The following CNTN3 variants were observed in gnomAD, a reference collection of about 807,000 sequenced individuals.
The protein encoded by CNTN3 is contactin-3.
Under a neutral mutation model 119.1 loss-of-function variants are expected in CNTN3, and 60 were observed. The ratio of observed to expected loss-of-function variants is 0.50; its 90% CI spans 0.41 to 0.62. The LOEUF is 0.62. CNTN3 is among the 20% of genes least tolerant of loss of function. The probability of loss-of-function intolerance (pLI) is 0.00; values close to 1 mark genes in which losing one functional copy is unlikely to be tolerated. For synonymous variants in CNTN3, 450 were observed against 438.7 expected, an observed-to-expected ratio of 1.03 and a Z score of -0.32; for missense variants, 1,101 against 1,242.4, an observed-to-expected ratio of 0.89 and a Z score of 1.71.
chr3:74,496,876 T>C (rs1703074701), intron 3 of CNTN3, among the ~76,000 whole-genome samples: 1 of 152,030 alleles, frequency 6.6e-6, no homozygotes, highest in Admixed American at 6.6e-5. Flanking sequence ...ATTTCCAACA[T>C]GGCCAATTAA....
At chr3:74,490,028 T>G (rs1429204796) in intron 3 of CNTN3, among the ~76,000 whole-genome samples, 1 of 152,192 alleles carries the variant, frequency 6.6e-6, no homozygotes, top group East Asian at 1.9e-4. Flanking sequence ...TATGTTCGAT[T>G]GAATGCTTTT....
chr3:74,468,058 G>T (rs1702496798), intron 4 of CNTN3, among the ~76,000 whole-genome samples: 1 of 152,164 alleles, frequency 6.6e-6, no homozygotes, highest in Admixed American at 6.5e-5. Context: ...AATGTCTCCA[G>T]CTTTGGGAAA....
chr3:74,351,382 C>T (rs1703809849), intron 11 of CNTN3, among the ~76,000 whole-genome samples: 1 of 152,102 alleles, frequency 6.6e-6, no homozygotes, highest in Non-Finnish European at 1.5e-5. Context: ...ACACAAATGC[C>T]ACCCACGAGG....
At chr3:74,414,660 T>C (rs1352854034) in intron 5 of CNTN3, among the ~76,000 whole-genome samples, 2 of 152,160 alleles carry the variant, frequency 1.3e-5, no homozygotes, top group Non-Finnish European at 2.9e-5. Flanking sequence ...CACTGCCCTA[T>C]GACCAAAAAC....
intron 1 of CNTN3, among the ~76,000 whole-genome samples, chr3:74,559,526 C>T (rs1328468762): frequency 6.6e-6 from 1 of 151,852 alleles, no homozygotes; most frequent in East Asian, 1.9e-4. Flanking sequence ...GAGCCTGTGG[C>T]TGGCAGTCAG....
chr3:74,319,972 C>A (rs1250313624), intron 13 of CNTN3, among the ~76,000 whole-genome samples: 1 of 152,124 alleles, frequency 6.6e-6, no homozygotes, highest in Non-Finnish European at 1.5e-5. Flanking sequence ...AATGAGATAC[C>A]ATCTCACACC....
At chr3:74,519,764 A>C (rs555226365) in intron 2 of CNTN3, among the ~76,000 whole-genome samples, 14 of 151,866 alleles carry the variant, frequency 9.2e-5, no homozygotes, top group African/African-American at 3.1e-4. Flanking sequence ...ATTTTTAAAC[A>C]ACTATTCTTT....
intron 3 of CNTN3, among the ~76,000 whole-genome samples, chr3:74,494,198 CTT>C (rs1405928785): frequency 5.9e-5 from 9 of 152,058 alleles, no homozygotes; most frequent in Non-Finnish European, 1.0e-4. Context: ...ATGGCTCAAC[CTT>C]ACCGATTGCT....
intron 8 of CNTN3, among the ~76,000 whole-genome samples, chr3:74,366,776 G>GTATA (rs1416469987): frequency 1.1e-4 from 4 of 35,624 alleles, no homozygotes; most frequent in African/African-American, 5.9e-4. Context: ...GTGTGTGTGT[G>GTATA]TGTGTATATA....
chr3:74,508,663 A>C (rs1703309133), intron 2 of CNTN3, among the ~76,000 whole-genome samples: 2 of 151,944 alleles, frequency 1.3e-5, no homozygotes, highest in Non-Finnish European at 2.9e-5. Flanking sequence ...TTTTTCCTTT[A>C]TATTCTATTC....
chr3:74,499,676 A>G lies in CNTN3; in HGVS notation c.165T>C (p.Asn55=), dbSNP rs141015807. 49 of 1,610,506 alleles carry G rather than the reference A, an allele frequency of 3.0e-5. No individual in the cohort carries two copies. The African/African-American group carries it at 5.7e-4, about 19-fold the overall frequency. The part of the protein sequence containing the change: ...KITLHCEARG[N]PSPHYRWQLN... Reference sequence around the variant, plus strand: ...CACTGTACCTGTAATGAGGTGATGGATTGCCTCTTGCTTCACAATGCAAAG... The same window carrying G: ...CACTGTACCTGTAATGAGGTGATGGGTTGCCTCTTGCTTCACAATGCAAAG... The change falls in exon 3 of 23, where the codon AAT becomes AAC. Residue 55 remains asparagine, a synonymous_variant. Transcript: ENST00000263665.
At chr3:74,312,329 G>A (rs1702705638) in intron 13 of CNTN3, among the ~76,000 whole-genome samples, 3 of 151,812 alleles carry the variant, frequency 2.0e-5, no homozygotes, top group Admixed American at 6.6e-5. Flanking sequence ...GGTGGCGGGT[G>A]CCTGTAGTCC....
chr3:74,495,204 C>G (rs998494167), intron 3 of CNTN3, among the ~76,000 whole-genome samples: 4 of 151,932 alleles, frequency 2.6e-5, no homozygotes, highest in African/African-American at 9.7e-5. Flanking sequence ...ACTTATAAAT[C>G]TGACAAAAAG....
chr3:74,596,225 T>C (rs1025734824), intron 1 of CNTN3, among the ~76,000 whole-genome samples: 62 of 151,758 alleles, frequency 4.1e-4, no homozygotes, highest in African/African-American at 1.5e-3. Flanking sequence ...TGCTCATGGG[T>C]AGGAAGAATC....
intron 2 of CNTN3, among the ~76,000 whole-genome samples, chr3:74,520,366 T>G (rs1262700502): frequency 6.6e-6 from 1 of 151,518 alleles, no homozygotes; most frequent in Non-Finnish European, 1.5e-5. Context: ...TCAGCTTTTT[T>G]GGTGCTTGAG....
At chr3:74,362,091 T>C (rs760071510) in intron 10 of CNTN3, 51 bp from the exon 11 acceptor site, 41 of 1,591,074 alleles carry the variant, frequency 2.6e-5, no homozygotes, top group Non-Finnish European at 3.3e-5. Flanking sequence ...ACAAAACTTC[T>C]TGTCAATTTC....
Position 74,263,631 on chromosome 3 carries a change from T to A in CNTN3, c.*770A>T, listed in dbSNP as rs1478991045. 1 of 152,106 alleles carries A rather than the reference T, an allele frequency of 6.6e-6. No homozygotes were observed. 9.4% of individuals were successfully genotyped at this position (152,106 alleles called of 1,614,324 possible). On this transcript the variant is annotated 3_prime_UTR_variant, in exon 23 of 23. Coordinates refer to ENST00000263665, the MANE Select transcript of CNTN3 (RefSeq NM_020872.3). ...AAATCTGGCTGGTCTTCATGACTTTTATGTGATTAAATAAATTCATGCTAA... is the reference window on the plus strand; with the variant it reads ...AAATCTGGCTGGTCTTCATGACTTTAATGTGATTAAATAAATTCATGCTAA...
At chr3:74,564,167 C>T (rs1236279923) in intron 1 of CNTN3, among the ~76,000 whole-genome samples, 1 of 152,026 alleles carries the variant, frequency 6.6e-6, no homozygotes, top group Non-Finnish European at 1.5e-5. Context: ...AGTCCCATCC[C>T]AGCAAGGTGA....
intron 5 of CNTN3, among the ~76,000 whole-genome samples, chr3:74,374,069 AT>A (rs1473139723): frequency 6.6e-6 from 1 of 152,086 alleles, no homozygotes; most frequent in Non-Finnish European, 1.5e-5. Flanking sequence ...GGAGGTGCTA[AT>A]GCTGGCTCGT....
Sources: gnomAD v4.1 joint callset for allele counts (sites outside exome capture counted in the v4.1 genomes callset) on GRCh38, gnomAD v4.1.1 for gene constraint, MANE v1.5 for transcripts, NCBI Gene and HGNC (gene_info 2026-07-23, HGNC 2026-07-21) for gene names.